LRRC72: variants seen among roughly 807,000 people sequenced by gnomAD.
LRRC72 encodes the protein leucine rich repeat containing 72.
Under a neutral mutation model 35.8 loss-of-function variants are expected in LRRC72, and 41 were observed. The ratio of observed to expected loss-of-function variants is 1.15; its 90% confidence interval spans 0.89 to 1.49. The LOEUF (loss-of-function observed/expected upper bound fraction) is 1.49. LRRC72 is among the 40% of genes most tolerant of loss of function. The pLI is 0.00. For synonymous variants in LRRC72, 118 were observed against 119.2 expected (o/e 0.99, Z 0.07); for missense variants, 389 against 330.7 (o/e 1.18, Z -1.37).
intron 3 of LRRC72, among the ~76,000 whole-genome samples, chr7:16,556,569 T>G (rs540338348): frequency 6.6e-6 from 1 of 152,312 alleles, no homozygotes; most frequent in East Asian, 1.9e-4. Flanking sequence ...CTGTGTGTAT[T>G]CAGATTACAG....
chr7:16,548,556 C>T (rs1394158159), intron 3 of LRRC72, among the ~76,000 whole-genome samples: 15 of 152,262 alleles, frequency 9.9e-5, no homozygotes, highest in African/African-American at 3.6e-4. Flanking sequence ...GCTTTTGATA[C>T]ACCTGGCCCA....
At position 16,571,273 on chromosome 7, in the gene LRRC72, C is replaced by T. The variant is rs370131109; in HGVS notation, c.670+3730C>T. Among the ~76,000 whole-genome samples the T allele has an allele frequency of 2.8e-4, 42 of 152,182 alleles. No homozygotes were observed. In the South Asian group the frequency reaches 8.5e-3, roughly 31 times the overall value. On this transcript the variant is annotated intron_variant, in intron 7 of 8. Transcript: ENST00000401542. ...GTTAACCTGAAAAATTTGTTCAGGC[C>T]GTGAGGGAAGGGGGCTCCGGACATG... is the stretch of plus-strand genomic sequence containing the variant.
At chr7:16,572,006 G>T (rs765767679) in intron 7 of LRRC72, among the ~76,000 whole-genome samples, 26 of 152,158 alleles carry the variant, frequency 1.7e-4, no homozygotes, top group Non-Finnish European at 2.6e-4. Context: ...CGAGCTTGGT[G>T]GGGGGAGGGG....
chr7:16,566,405 A>T lies in LRRC72; in HGVS notation c.517+3A>T, dbSNP rs1348429679. The T allele has an allele frequency of 3.9e-6, 6 of 1,534,072 alleles. No homozygotes were observed. The highest frequency in any genetic ancestry group is 2.5e-5 in the South Asian group (2 of 80,928). ...AGTGGAGCTGCTTGACCGAAATCGT[A>T]AGGACCCTTCCTTCTTGCAAAGAAA... On this transcript the variant is annotated splice_donor_region_variant and intron_variant, in intron 6 of 8. Coordinates refer to ENST00000401542, the MANE Select transcript of LRRC72 (RefSeq NM_001195280.2).
At chr7:16,562,863 T>C (rs1014249764) in intron 5 of LRRC72, among the ~76,000 whole-genome samples, 1 of 152,198 alleles carries the variant, frequency 6.6e-6, no homozygotes, top group African/African-American at 2.4e-5. Flanking sequence ...TTCTGATCCC[T>C]CCTCTCTCGA....
At position 16,579,969 on chromosome 7, in the gene LRRC72, C is replaced by G. The variant is rs984372471; in HGVS notation, c.671-105C>G. 2.2e-5 allele frequency: 5 copies of G among 230,968 alleles called. No individual in the cohort carries two copies. The South Asian group carries it at 2.5e-4, about 12-fold the overall frequency. The allele number at this position is 230,968 out of a possible 1,614,324, so 14.3% of individuals were successfully genotyped here. ...ATTTGCGTAAAGAATAACTTGAAAA[C>G]AGAAAGCCCTGCTTTATACTTTTCC... On this transcript the variant is annotated intron_variant, in intron 7 of 8. Coordinates refer to ENST00000401542, the MANE Select transcript of LRRC72 (RefSeq NM_001195280.2).
At chr7:16,579,707 G>A (rs1300143905) in intron 7 of LRRC72, among the ~76,000 whole-genome samples, 1 of 152,138 alleles carries the variant, frequency 6.6e-6, no homozygotes, top group African/African-American at 2.4e-5. Context: ...AGATGCATGT[G>A]CCTTTCGGAA....
intron 7 of LRRC72, among the ~76,000 whole-genome samples, chr7:16,569,946 C>T (rs1270773689): frequency 6.6e-6 from 1 of 151,884 alleles, no homozygotes; most frequent in African/African-American, 2.4e-5. Flanking sequence ...AGGAGAATCG[C>T]TTGCACCTGG....
intron 3 of LRRC72, among the ~76,000 whole-genome samples, chr7:16,543,774 G>T (rs1018543881): frequency 3.3e-5 from 5 of 152,190 alleles, no homozygotes; most frequent in African/African-American, 1.2e-4. Context: ...GCTTCTGGAT[G>T]TTTTCTTACC....
chr7:16,567,420 A>T lies in LRRC72; in HGVS notation c.547A>T (p.Ile183Phe). 6.6e-7 allele frequency: 1 copy of T among 1,511,202 alleles called. No homozygotes were observed. The highest frequency in any genetic ancestry group is 8.9e-7 in the Non-Finnish European group (1 of 1,129,764). 93.6% of individuals were successfully genotyped at this position (1,511,202 alleles called of 1,614,324 possible). A position where few individuals can be genotyped will look rare whatever the true frequency, so the allele number is the denominator to read the frequency against. ...TACAGAAAAAGAAAGAAGATCAATGATTACCATTTTTAACCATAAAAAGGC... is the reference window on the plus strand; with the variant it reads ...TACAGAAAAAGAAAGAAGATCAATGTTTACCATTTTTAACCATAAAAAGGC... ...QVTEKERRSM[I>F]TIFNHKKAHI... The change falls in exon 7 of 9, where the codon ATT (isoleucine) becomes TTT (phenylalanine). Residue 183 changes from isoleucine (I) to phenylalanine (F), a missense_variant. Coordinates refer to ENST00000401542, the MANE Select transcript of LRRC72 (RefSeq NM_001195280.2).
At chr7:16,527,781 G>A (rs1170581373) in intron 1 of LRRC72, among the ~76,000 whole-genome samples, 1 of 152,124 alleles carries the variant, frequency 6.6e-6, no homozygotes, top group Non-Finnish European at 1.5e-5. Context: ...TTGTGCCTGC[G>A]TGTTGCATGG....
At chr7:16,550,826 T>C (rs1782536127) in intron 3 of LRRC72, among the ~76,000 whole-genome samples, 1 of 152,256 alleles carries the variant, frequency 6.6e-6, no homozygotes, top group Non-Finnish European at 1.5e-5. Flanking sequence ...ATTGTAATTT[T>C]GGTTAAATCA....
intron 7 of LRRC72, among the ~76,000 whole-genome samples, chr7:16,578,387 C>T (rs963076157): frequency 6.6e-6 from 1 of 152,062 alleles, no homozygotes; most frequent in Non-Finnish European, 1.5e-5. Flanking sequence ...GCAGGAGAAT[C>T]GCTTGAACCC....
chr7:16,538,852 C>T (rs1456745421), intron 3 of LRRC72, among the ~76,000 whole-genome samples: 5 of 152,206 alleles, frequency 3.3e-5, no homozygotes, highest in Non-Finnish European at 7.3e-5. Flanking sequence ...TCCCCTTCAC[C>T]TTCTGTCATG....
chr7:16,535,409 G>T (rs1782236956), intron 2 of LRRC72, among the ~76,000 whole-genome samples: 1 of 151,880 alleles, frequency 6.6e-6, no homozygotes, highest in African/African-American at 2.4e-5. Flanking sequence ...TAGAAGAGGA[G>T]GGAACAGATG....
chr7:16,559,638 A>G (rs1415235501), intron 5 of LRRC72, among the ~76,000 whole-genome samples: 1 of 152,282 alleles, frequency 6.6e-6, no homozygotes, highest in African/African-American at 2.4e-5. Context: ...AGGCACATCT[A>G]TAGGGACAGC....
At chr7:16,548,846 A>G (rs1206927388) in intron 3 of LRRC72, among the ~76,000 whole-genome samples, 1 of 152,216 alleles carries the variant, frequency 6.6e-6, no homozygotes, top group East Asian at 1.9e-4. Context: ...ATCCCGCAAC[A>G]CGATCTCCAA....
At position 16,533,416 on chromosome 7, in the gene LRRC72, G is replaced by A. The variant is rs539587887; in HGVS notation, c.164+848G>A. Among the ~76,000 whole-genome samples, 41 of 152,202 alleles carry A rather than the reference G, an allele frequency of 2.7e-4. No homozygotes were observed. In the Middle Eastern group the frequency reaches 0.01, roughly 38 times the overall value. On this transcript the variant is annotated intron_variant, in intron 2 of 8. Coordinates refer to ENST00000401542, the MANE Select transcript of LRRC72 (RefSeq NM_001195280.2). ...TCTGATACCACAGTTCTCACTGGCC[G>A]ATAAATGACACTGAAGTTTGCATTT...
chr7:16,552,985 T>G (rs577366052), intron 3 of LRRC72, among the ~76,000 whole-genome samples: 1 of 152,232 alleles, frequency 6.6e-6, no homozygotes, highest in Non-Finnish European at 1.5e-5. Context: ...GATAATAATA[T>G]GCTCCTTCCT....
Sources: allele counts gnomAD v4.1 joint callset (sites outside exome capture counted in the v4.1 genomes callset), GRCh38; gene constraint gnomAD v4.1.1; transcripts MANE v1.5; gene names NCBI Gene and HGNC (gene_info 2026-07-23, HGNC 2026-07-21).